The following LRRC37A2 variants were observed in gnomAD, a reference collection of about 807,000 sequenced individuals.
LRRC37A2 encodes leucine rich repeat containing 37 member A2.
Under a neutral mutation model 68.8 loss-of-function variants are expected in LRRC37A2, and 9 were observed. That is an observed-to-expected ratio of 0.13 (90% CI 0.08 to 0.23). The LOEUF (loss-of-function observed/expected upper bound fraction) is 0.23, where lower values mean the gene tolerates loss of function less well. Ranked by LOEUF, LRRC37A2 falls within the 10% of genes least tolerant of loss-of-function variation. LRRC37A2 has a pLI of 1.00. For synonymous variants in LRRC37A2, 63 were observed against 367.6 expected, an observed-to-expected ratio of 0.17 and a Z score of 9.48; for missense variants, 168 against 950.4, an observed-to-expected ratio of 0.18 and a Z score of 10.82.
At chr17:46,724,081 C>T in the LRRC37A2 span, among the ~76,000 whole-genome samples, 1 of 152,180 alleles carries the variant, frequency 6.6e-6, no homozygotes, top group African/African-American at 2.4e-5. Context: ...CTGCAGTGTT[C>T]CTGAATGTTC....
At chr17:46,891,506 T>C in the LRRC37A2 span, among the ~76,000 whole-genome samples, 1 of 152,284 alleles carries the variant, frequency 6.6e-6, no homozygotes. Flanking sequence ...ACGTCCTCAG[T>C]TGGGCCAAGA....
chr17:46,403,784 C>T, the LRRC37A2 span, among the ~76,000 whole-genome samples: 3 of 86,224 alleles, frequency 3.5e-5, no homozygotes, highest in Non-Finnish European at 5.3e-5. Flanking sequence ...CTGCAAGCTC[C>T]GCCTCCCGGG....
At chr17:46,755,924 C>T in the LRRC37A2 span, 5 of 1,139,356 alleles carry the variant, frequency 4.4e-6, no homozygotes, top group African/African-American at 1.5e-5. Context: ...CTAAGTGGAA[C>T]GTTCTCTACC....
At chr17:46,948,493 C>T in the LRRC37A2 span, 8 of 152,256 alleles carry the variant, frequency 5.3e-5, no homozygotes, top group African/African-American at 1.4e-4. Context: ...CTGTGTTCTT[C>T]ATCAGAAGAC....
the LRRC37A2 span, chr17:46,978,149 G>A: frequency 1.2e-5 from 2 of 173,702 alleles, no homozygotes; most frequent in African/African-American, 4.8e-5. Flanking sequence ...CACCTCACAG[G>A]CGCGGGTGGG....
At chr17:46,983,991 G>T in the LRRC37A2 span, 1 of 152,396 alleles carries the variant, frequency 6.6e-6, no homozygotes, top group African/African-American at 2.4e-5. Context: ...CCATGGTGCT[G>T]CTTGAGTGTC....
the LRRC37A2 span, among the ~76,000 whole-genome samples, chr17:46,598,692 G>A: frequency 6.6e-6 from 1 of 152,142 alleles, no homozygotes; most frequent in African/African-American, 2.4e-5. Context: ...ATCAATATCA[G>A]AAGCTTTTGT....
chr17:47,017,116 T>A, the LRRC37A2 span: 10 of 1,585,492 alleles, frequency 6.3e-6, no homozygotes, highest in South Asian at 6.8e-5. Flanking sequence ...AGCAGATCTG[T>A]GGCATAAATA....
the LRRC37A2 span, chr17:47,019,440 G>T: frequency 1.2e-6 from 2 of 1,610,690 alleles, no homozygotes; most frequent in Non-Finnish European, 1.7e-6. Flanking sequence ...TCAGCCTCCA[G>T]ACCTAGGGCT....
intron 8 of LRRC37A2, among the ~76,000 whole-genome samples, chr17:46,542,892 TCA>T (rs2055649628): frequency 6.7e-6 from 1 of 150,138 alleles, no homozygotes; most frequent in Non-Finnish European, 1.5e-5. Flanking sequence ...AAAGGGCCCT[TCA>T]TTTAGCACTC....
At chr17:46,835,397 G>C in the LRRC37A2 span, among the ~76,000 whole-genome samples, 8 of 152,224 alleles carry the variant, frequency 5.3e-5, no homozygotes, top group Admixed American at 3.9e-4. Flanking sequence ...ATTTTTATTA[G>C]AGACAGGGTT....
chr17:47,000,863 G>A, the LRRC37A2 span, among the ~76,000 whole-genome samples: 687 of 152,238 alleles, frequency 4.5e-3, no homozygotes, highest in Non-Finnish European at 7.9e-3. Flanking sequence ...CCCTGGAGTA[G>A]GACATTCTTT....
the LRRC37A2 span, among the ~76,000 whole-genome samples, chr17:46,502,490 C>G: frequency 6.6e-6 from 1 of 150,716 alleles, no homozygotes; most frequent in Non-Finnish European, 1.5e-5. Flanking sequence ...TTAGTAGAGA[C>G]AGGGTTTCAC....
chr17:46,766,035 A>G, the LRRC37A2 span, among the ~76,000 whole-genome samples: 9 of 152,238 alleles, frequency 5.9e-5, no homozygotes, highest in East Asian at 1.7e-3. Flanking sequence ...AACCATATCT[A>G]TGTAGCACTT....
the LRRC37A2 span, among the ~76,000 whole-genome samples, chr17:46,717,712 AAAAAT>A: frequency 3.5e-4 from 53 of 152,270 alleles, no homozygotes; most frequent in African/African-American, 1.2e-3. Flanking sequence ...ACTCCATCTA[AAAAAT>A]AAAATAAAAT....
At chr17:46,824,559 A>G in the LRRC37A2 span, among the ~76,000 whole-genome samples, 2 of 152,182 alleles carry the variant, frequency 1.3e-5, no homozygotes, top group African/African-American at 4.8e-5. Context: ...GATTATACAT[A>G]CTACATAGCA....
At chr17:46,747,213 A>G in the LRRC37A2 span, among the ~76,000 whole-genome samples, 1 of 152,234 alleles carries the variant, frequency 6.6e-6, no homozygotes, top group African/African-American at 2.4e-5. Context: ...AATTGGAAAA[A>G]GGGGCAAGTC....
the LRRC37A2 span, chr17:46,941,609 T>A: frequency 4.9e-6 from 1 of 203,806 alleles, no homozygotes; most frequent in Non-Finnish European, 8.7e-6. Flanking sequence ...AGTCTCGCTC[T>A]GTCACCCAGG....
chr17:46,923,197 A>G, the LRRC37A2 span: 18 of 1,547,378 alleles, frequency 1.2e-5, no homozygotes, highest in East Asian at 9.8e-5. Flanking sequence ...GGCGACATGG[A>G]TCCCCTGTTC....
Sources: allele counts gnomAD v4.1 joint callset (sites outside exome capture counted in the v4.1 genomes callset), GRCh38; gene constraint gnomAD v4.1.1; transcripts MANE v1.5; gene names NCBI Gene and HGNC (gene_info 2026-07-23, HGNC 2026-07-21).